The following NEB variants were observed in gnomAD, a reference collection of about 807,000 sequenced individuals.
NEB encodes the protein nemaline myopathy type 2.
In NEB, 512 loss-of-function variants were observed where a neutral mutation model predicts 952.2. The ratio of observed to expected loss-of-function variants is 0.54; its 90% CI spans 0.50 to 0.58. The LOEUF is 0.58. NEB is among the 20% of genes least tolerant of loss of function. The probability of loss-of-function intolerance (pLI) is 0.00; values close to 1 mark genes in which losing one functional copy is unlikely to be tolerated. For synonymous variants in NEB, 2,900 were observed against 3,149.8 expected, an observed-to-expected ratio of 0.92 and a Z score of 2.66; for missense variants, 8,428 against 9,231.1, an observed-to-expected ratio of 0.91 and a Z score of 3.56.
At chr2:151,556,000 C>T (rs146517474) in intron 124 of NEB, among the ~76,000 whole-genome samples, 21 of 152,194 alleles carry the variant, frequency 1.4e-4, no homozygotes, top group African/African-American at 4.6e-4. Context: ...AATCTTGCCT[C>T]TATAATTTTG....
At chr2:151,564,962 T>C (rs2096287661) in intron 117 of NEB, 82 bp downstream of exon 117, 2 of 804,000 alleles carry the variant, frequency 2.5e-6, no homozygotes, top group East Asian at 2.7e-5. Context: ...AGTTCAGCAG[T>C]TGACAAAATC....
chr2:151,554,805 T>C (rs980497049), intron 125 of NEB, 126 bp downstream of exon 125: 4 of 747,880 alleles, frequency 5.3e-6, no homozygotes, highest in African/African-American at 5.2e-5. Flanking sequence ...CTAGGAGCAA[T>C]AGGCTATCCC....
rs552598372 is a variant in NEB, at chr2:151,545,744, G to A, written c.20577+144C>T. Reference sequence around the variant, plus strand: ...TTGGTTGACTTGCTTAGACATAGTAGCCATTCCACAGTTAAGAGGGGAAAT... The same window carrying A: ...TTGGTTGACTTGCTTAGACATAGTAACCATTCCACAGTTAAGAGGGGAAAT... On this transcript the variant is annotated intron_variant, in intron 135 of 181. Coordinates refer to ENST00000397345, the MANE Select transcript of NEB (RefSeq NM_001164508.2). The A allele has an allele frequency of 8.5e-6, 5 of 586,772 alleles. No individual in the cohort carries two copies. The South Asian group carries it at 1.2e-4, about 14-fold the overall frequency. 36.3% of individuals were successfully genotyped at this position (586,772 alleles called of 1,614,324 possible). A position where few individuals can be genotyped will look rare whatever the true frequency, so the allele number is the denominator to read the frequency against.
At chr2:151,577,471 G>A (rs918083764) in intron 105 of NEB, among the ~76,000 whole-genome samples, 9 of 152,012 alleles carry the variant, frequency 5.9e-5, no homozygotes, top group African/African-American at 1.7e-4. Context: ...GAACTTTCTC[G>A]ATCTCTCTTC....
At chr2:151,711,612 G>A (rs556615209) in intron 10 of NEB, among the ~76,000 whole-genome samples, 1 of 152,184 alleles carries the variant, frequency 6.6e-6, no homozygotes, top group South Asian at 2.1e-4. Context: ...AGAGTCCTGG[G>A]CCTGGGTTCA....
intron 28 of NEB, among the ~76,000 whole-genome samples, chr2:151,684,322 C>A (rs4503987): frequency 0.099 from 15,051 of 152,064 alleles, 959 homozygotes; most frequent in African/African-American, 0.18. Flanking sequence ...GCAGAAAAAA[C>A]CGTTATAAAT....
chr2:151,617,131 T>C (rs895228741), intron 75 of NEB, among the ~76,000 whole-genome samples: 3 of 152,216 alleles, frequency 2.0e-5, no homozygotes, highest in Non-Finnish European at 2.9e-5. Context: ...ATAATTCCTA[T>C]GGAAATATTT....
At chr2:151,623,043 T>C (rs2098449283) in intron 71 of NEB, among the ~76,000 whole-genome samples, 1 of 152,192 alleles carries the variant, frequency 6.6e-6, no homozygotes, top group Admixed American at 6.5e-5. Context: ...GTTGAAGCTA[T>C]GTTAACTGAT....
At chr2:151,511,533 T>C (rs2074323450) in intron 161 of NEB, among the ~76,000 whole-genome samples, 1 of 152,212 alleles carries the variant, frequency 6.6e-6, no homozygotes, top group Admixed American at 6.5e-5. Context: ...ATTCCAGAGT[T>C]GGACCAGCGA....
intron 60 of NEB, 68 bp downstream of exon 60, chr2:151,642,506 T>C (rs1171386646): frequency 3.0e-6 from 4 of 1,343,530 alleles, no homozygotes; most frequent in Admixed American, 2.1e-5. Context: ...TGTGCCACTA[T>C]AAATCCAGGA....
At chr2:151,562,089 C>G in intron 121 of NEB, 21 bp downstream of exon 121, 1 of 1,585,464 alleles carries the variant, frequency 6.3e-7, no homozygotes, top group South Asian at 1.1e-5. Flanking sequence ...GAGAACCAGT[C>G]CTTCTAGGAA....
intron 135 of NEB, among the ~76,000 whole-genome samples, chr2:151,543,690 T>A (rs1172620248): frequency 6.6e-6 from 1 of 152,204 alleles, no homozygotes; most frequent in Non-Finnish European, 1.5e-5. Flanking sequence ...TCTCACTATA[T>A]TGCCCAGGCT....
At chr2:151,630,277 T>C (rs2098637904) in intron 67 of NEB, among the ~76,000 whole-genome samples, 2 of 152,186 alleles carry the variant, frequency 1.3e-5, no homozygotes, top group African/African-American at 4.8e-5. Flanking sequence ...ACTTCTTCCT[T>C]ATGCCTAAGG....
At position 151,560,647 on chromosome 2, in the gene NEB, GGCAGGATGTA is replaced by G; in HGVS notation, c.19249_19258del (p.Tyr6417LeufsTer7). 1.2e-6 allele frequency: 2 copies of G among 1,612,712 alleles called. No homozygotes were observed. The highest frequency in any genetic ancestry group is 1.7e-6 in the Non-Finnish European group (2 of 1,179,456). The stretch of plus-strand genomic sequence containing the variant: ...GTGTGTCAGGGACAAGGTGCTGGAA[GGCAGGATGTA>G]GCTGGTGGCTTTCACTCTATCCCAG... On this transcript the variant is annotated frameshift_variant, in exon 124 of 182. Transcript: ENST00000397345. LOFTEE classifies it high-confidence loss of function.
rs1290691997 is a variant in NEB at position 151,499,280 on chromosome 2, TTTTTTA to T, written c.24114+12_24114+17del. The T allele has an allele frequency of 7.8e-7, 1 of 1,284,602 alleles. No individual in the cohort carries two copies. The highest frequency in any genetic ancestry group is 1.1e-6 in the Non-Finnish European group (1 of 924,996). 79.6% of individuals were successfully genotyped at this position (1,284,602 alleles called of 1,614,324 possible). A position where few individuals can be genotyped will look rare whatever the true frequency, so the allele number is the denominator to read the frequency against. On this transcript the variant is annotated intron_variant, in intron 169 of 181. Coordinates refer to ENST00000397345, the MANE Select transcript of NEB (RefSeq NM_001164508.2). ...ACATTTTTTTAAATAATTAAAGGGA[TTTTTTA>T]TTTTTAAATACCGAACTAAAGTTTT... is the stretch of plus-strand genomic sequence containing the variant.
In NEB at chr2:151,540,401, C is replaced by A; in HGVS notation, c.20835G>T (p.Pro6945=). 4 of 1,583,882 alleles carry A rather than the reference C, an allele frequency of 2.5e-6. No homozygotes were observed. Among genetic ancestry groups the A allele is most frequent in the Non-Finnish European group, 3.4e-6 (4 of 1,163,150 alleles). Residue 6945 remains proline, a synonymous_variant, in exon 138 of 182, where the codon CCG becomes CCT. Transcript: ENST00000397345. ...QYEKMKDKYT[P]VPDTPILIRA... The stretch of plus-strand genomic sequence containing the variant: ...TGATGAGGATTGGCGTATCTGGAAC[C>A]GGAGTGTACTTGTCTTTCATCTTTT...
At chr2:151,697,884 G>A (rs1035700682) in intron 13 of NEB, among the ~76,000 whole-genome samples, 4 of 152,170 alleles carry the variant, frequency 2.6e-5, no homozygotes, top group Non-Finnish European at 2.9e-5. Context: ...AGCCAACAAA[G>A]TGAAACCCTC....
rs1160766383 is a variant in NEB, at chr2:151,499,390, C to T, written c.24022G>A (p.Val8008Met). 7.3e-6 allele frequency: 11 copies of T among 1,512,276 alleles called. No individual in the cohort carries two copies. Among genetic ancestry groups the T allele is most frequent in the Non-Finnish European group, 9.9e-6 (11 of 1,113,118 alleles). 93.7% of individuals were successfully genotyped at this position (1,512,276 alleles called of 1,614,324 possible). The part of the protein sequence containing the change: ...VKLNQENFSS[V>M]LYKENVGKGI... ...TTTCCAACGTTTTCTTTATACAACA[C>T]CTGTATGACACAAGAAAGCATCCAG... The change falls in exon 169 of 182, where the codon GTG (valine) becomes ATG (methionine). Residue 8008 changes from valine to methionine, a missense_variant and splice_region_variant. This residue lies in a region of NEB where 3,374 missense variants were observed against 3,651.5 expected (regional missense o/e 0.92). Transcript: ENST00000397345.
At position 151,723,474 on chromosome 2, in the gene NEB, C is replaced by T; in HGVS notation, c.625G>A (p.Glu209Lys). ...AAACTTTTGTCTGCTTCCCAGTCTT[C>T]AGTGTACAGTTTCTAAATCAAAAAA... ...TAMFSKKLYT[E>K]DWEADKSLFY... The change falls in exon 9 of 182, where the codon GAA (glutamate) becomes AAA (lysine). Residue 209 changes from glutamate (E) to lysine (K), a missense_variant. Around this residue, in one of 11 missense-constraint regions of NEB, gnomAD observed 2,851 missense variants for 2,791.5 expected, o/e 1.02. Transcript: ENST00000397345. 1 of 1,604,820 alleles carries T rather than the reference C, an allele frequency of 6.2e-7. No individual in the cohort carries two copies. The highest frequency in any genetic ancestry group is 8.5e-7 in the Non-Finnish European group (1 of 1,175,042).
Sources: allele counts gnomAD v4.1 joint callset (sites outside exome capture counted in the v4.1 genomes callset), GRCh38; gene constraint gnomAD v4.1.1; regional missense constraint gnomAD v4.1.1; transcripts MANE v1.5; gene names NCBI Gene and HGNC (gene_info 2026-07-23, HGNC 2026-07-21).